Variants in WHRN observed in about 807,000 individuals in gnomAD.
WHRN encodes the protein whirlin.
In WHRN, 41 loss-of-function variants were observed where a neutral mutation model predicts 68.3. The observed-to-expected ratio is 0.60, with a 90% CI of 0.47 to 0.78. The LOEUF is 0.78. Ranked by LOEUF, WHRN falls within the 30% of genes least tolerant of loss-of-function variation. The pLI is 0.00. For synonymous variants in WHRN, 560 were observed against 561.3 expected (o/e 1.00, Z 0.03); for missense variants, 1,243 against 1,244.7 (o/e 1.00, Z 0.02).
Position 114,504,281 on chromosome 9 carries a change from C to T in WHRN, c.521G>A (p.Gly174Asp). 6.2e-7 allele frequency: 1 copy of T among 1,614,010 alleles called. No individual in the cohort carries two copies. Among genetic ancestry groups the T allele is most frequent in the Non-Finnish European group, 8.5e-7 (1 of 1,180,034 alleles). The stretch of plus-strand genomic sequence containing the variant: ...CAGTCCTTCCTTCTCAGCTAGAGAG[C>T]CTGGTTCCACCAGAGACACGTAGAT... The part of the protein sequence containing the change: ...VGIYVSLVEP[G>D]SLAEKEGLRV... Residue 174 changes from glycine (G) to aspartate (D), a missense_variant, in exon 1 of 12, where the codon GGC becomes GAC. Transcript: ENST00000362057.
At chr9:114,494,376 T>G (rs556442428) in intron 1 of WHRN, among the ~76,000 whole-genome samples, 3 of 152,324 alleles carry the variant, frequency 2.0e-5, no homozygotes, top group African/African-American at 7.2e-5. Context: ...GTCTGCATAA[T>G]CATCAGTATC....
chr9:114,417,451 G>A (rs1193814978), intron 7 of WHRN, among the ~76,000 whole-genome samples: 2 of 152,250 alleles, frequency 1.3e-5, no homozygotes, highest in East Asian at 1.9e-4. Context: ...AATCCTGCAA[G>A]TGGCCGGGGA....
Position 114,504,852 on chromosome 9 carries a change from C to A in WHRN, c.-51G>T, listed in dbSNP as rs950729680. 1.4e-5 allele frequency: 19 copies of A among 1,350,438 alleles called. 1 individual carries two copies. The African/African-American group carries it at 2.8e-4, about 20-fold the overall frequency. The allele number at this position is 1,350,438 out of a possible 1,614,324, so 83.7% of individuals were successfully genotyped here. Reference sequence around the variant, plus strand: ...CTGAGCGCGCGGGGTGTGGGCGGTGCCGCTGTCCTCGCGGGTACTGGCGCG... The same window carrying A: ...CTGAGCGCGCGGGGTGTGGGCGGTGACGCTGTCCTCGCGGGTACTGGCGCG... On this transcript the variant is annotated 5_prime_UTR_variant, in exon 1 of 12. Coordinates refer to ENST00000362057, the MANE Select transcript of WHRN (RefSeq NM_015404.4).
At chr9:114,465,884 A>C (rs1287364678) in intron 3 of WHRN, among the ~76,000 whole-genome samples, 1 of 152,194 alleles carries the variant, frequency 6.6e-6, no homozygotes, top group Admixed American at 6.5e-5. Context: ...GGAGCCAGTA[A>C]TATTTCAATA....
chr9:114,479,058 C>G (rs563949384), intron 1 of WHRN, among the ~76,000 whole-genome samples: 1 of 152,186 alleles, frequency 6.6e-6, no homozygotes, highest in Non-Finnish European at 1.5e-5. Context: ...CAGGAAGGCT[C>G]GTTTACAAGG....
chr9:114,493,069 G>A (rs901569647), intron 1 of WHRN, among the ~76,000 whole-genome samples: 3 of 152,128 alleles, frequency 2.0e-5, no homozygotes, highest in African/African-American at 7.2e-5. Context: ...AAATAAAGAG[G>A]CTAGGCACAG....
At chr9:114,475,034 C>A (rs934306602) in intron 2 of WHRN, among the ~76,000 whole-genome samples, 2 of 152,092 alleles carry the variant, frequency 1.3e-5, no homozygotes, top group African/African-American at 4.8e-5. Flanking sequence ...GAAGAGGAAC[C>A]CTGGTGCACT....
intron 3 of WHRN, 41 bp from the exon 4 acceptor site, chr9:114,426,454 G>C: frequency 6.2e-7 from 1 of 1,609,586 alleles, no homozygotes; most frequent in Non-Finnish European, 8.5e-7. Context: ...TGGGCTGTTT[G>C]CAGGATTCAC....
chr9:114,454,539 T>G (rs7028602), intron 3 of WHRN, among the ~76,000 whole-genome samples: 113,959 of 152,000 alleles, frequency 0.75, 42,876 homozygotes, highest in East Asian at 0.96. Flanking sequence ...TGTAGTTTCT[T>G]CAGGCTGACA....
Position 114,504,452 on chromosome 9 carries a change from G to A in WHRN, c.350C>T (p.Pro117Leu), listed in dbSNP as rs772689669. The A allele has an allele frequency of 6.8e-6, 11 of 1,607,548 alleles. No homozygotes were observed. In the East Asian group the frequency reaches 1.1e-4, roughly 16 times the overall value. Residue 117 changes from proline to leucine, a missense_variant, in exon 1 of 12, where the codon CCC (proline) becomes CTC (leucine). By Grantham distance (98) the Pro-to-Leu change is moderately conservative. Transcript: ENST00000362057. ...GGGCTGCCTGTAGGGGGTGGTGGCG[G>A]GCAGGTAGAGGCCCTCGGCCGTGTA... ...DQYTAEGLYLPATTPYRQPAW... is the reference protein window; with the variant it reads ...DQYTAEGLYLLATTPYRQPAW...
At chr9:114,408,144 A>G in intron 7 of WHRN, 126 bp from the exon 8 acceptor site, 2 of 759,394 alleles carry the variant, frequency 2.6e-6, no homozygotes, top group Non-Finnish European at 2.3e-6. Flanking sequence ...GAGCCCTGAC[A>G]TACCTCACTT....
chr9:114,464,264 A>C (rs1054254694), intron 3 of WHRN, among the ~76,000 whole-genome samples: 1 of 151,994 alleles, frequency 6.6e-6, no homozygotes, highest in African/African-American at 2.4e-5. Context: ...TGTCTATAAC[A>C]ATGATGATAA....
At chr9:114,412,119 G>C (rs967402445) in intron 7 of WHRN, among the ~76,000 whole-genome samples, 4 of 152,178 alleles carry the variant, frequency 2.6e-5, no homozygotes, top group African/African-American at 9.7e-5. Context: ...AATGGCAGAC[G>C]GGTCGGAGCC....
intron 1 of WHRN, among the ~76,000 whole-genome samples, chr9:114,500,738 C>T (rs1843850844): frequency 6.6e-6 from 1 of 152,212 alleles, no homozygotes; most frequent in African/African-American, 2.4e-5. Flanking sequence ...TTTGAATGCT[C>T]CCAGGGCGGT....
intron 7 of WHRN, among the ~76,000 whole-genome samples, chr9:114,413,171 G>A (rs2132260918): frequency 6.6e-6 from 1 of 152,334 alleles, no homozygotes; most frequent in Non-Finnish European, 1.5e-5. Context: ...TTTGCCTGAA[G>A]GGGCTGCTGA....
At chr9:114,451,566 C>A (rs1839338187) in intron 3 of WHRN, among the ~76,000 whole-genome samples, 2 of 152,152 alleles carry the variant, frequency 1.3e-5, no homozygotes, top group African/African-American at 4.8e-5. Flanking sequence ...AACGCACACA[C>A]CACACACACA....
At chr9:114,442,616 G>C (rs1214914636) in intron 3 of WHRN, among the ~76,000 whole-genome samples, 1 of 152,150 alleles carries the variant, frequency 6.6e-6, no homozygotes, top group African/African-American at 2.4e-5. Flanking sequence ...CTCATAAACG[G>C]CTTGGTGCCC....
intron 3 of WHRN, among the ~76,000 whole-genome samples, chr9:114,444,486 A>C (rs1838649116): frequency 6.6e-6 from 1 of 152,052 alleles, no homozygotes; most frequent in African/African-American, 2.4e-5. Context: ...TACAAAACCA[A>C]TATAATGACA....
At chr9:114,472,385 C>T (rs866546301) in intron 2 of WHRN, among the ~76,000 whole-genome samples, 1 of 152,208 alleles carries the variant, frequency 6.6e-6, no homozygotes, top group Non-Finnish European at 1.5e-5. Context: ...TGCTCACCTG[C>T]CTGAGGCCTC....
Sources: allele counts gnomAD v4.1 joint callset (sites outside exome capture counted in the v4.1 genomes callset), GRCh38; gene constraint gnomAD v4.1.1; transcripts MANE v1.5; gene names NCBI Gene and HGNC (gene_info 2026-07-23, HGNC 2026-07-21).